MCC: variants seen among roughly 807,000 people sequenced by gnomAD.
The protein encoded by MCC is colorectal mutant cancer protein.
A neutral mutation model predicts 116.2 loss-of-function variants in MCC; 90 were observed. The ratio of observed to expected loss-of-function variants is 0.77; its 90% confidence interval spans 0.65 to 0.92. The LOEUF is 0.92. Among genes scored for constraint, MCC ranks in the 40% least tolerant of loss-of-function variants. MCC has a pLI of 0.00. For synonymous variants in MCC, 578 were observed against 510.5 expected (o/e 1.13, Z -1.78); for missense variants, 1,516 against 1,312.2 (o/e 1.16, Z -2.40).
rs1375305391 is a variant in MCC at position 113,170,329 on chromosome 5, T to C, written c.628-18907A>G. On this transcript the variant is annotated intron_variant, in intron 3 of 18. Transcript: ENST00000408903. ...ACTTTACTTCTAATCCATGGCAGAA[T>C]CATCCTCTCCTTGTAGAATTGGGCA... is the stretch of plus-strand genomic sequence containing the variant. Among the ~76,000 whole-genome samples the C allele has an allele frequency of 4.6e-5, 7 of 152,320 alleles. No individual in the cohort carries two copies. The South Asian group carries it at 8.3e-4, about 18-fold the overall frequency.
chr5:113,035,825 C>T (rs992486896), intron 17 of MCC, among the ~76,000 whole-genome samples: 1 of 152,122 alleles, frequency 6.6e-6, no homozygotes, highest in East Asian at 1.9e-4. Flanking sequence ...AAAAAAATCT[C>T]CACAGTGACT....
chr5:113,159,685 T>G (rs1190096010), intron 3 of MCC, among the ~76,000 whole-genome samples: 1 of 152,134 alleles, frequency 6.6e-6, no homozygotes, highest in Non-Finnish European at 1.5e-5. Flanking sequence ...GTGTTCTAAT[T>G]CAGATACATA....
chr5:113,305,019 A>C (rs570851650), intron 3 of MCC, among the ~76,000 whole-genome samples: 7 of 152,188 alleles, frequency 4.6e-5, no homozygotes, highest in Non-Finnish European at 4.4e-5. Flanking sequence ...CAAAAAAAAA[A>C]ATGAGTATGA....
In MCC at chr5:113,023,185, GA is replaced by G. The variant is rs564658745; in HGVS notation, c.*4116del. On this transcript the variant is annotated 3_prime_UTR_variant, in exon 19 of 19. Coordinates refer to ENST00000408903, the MANE Select transcript of MCC (RefSeq NM_001085377.2). Reference sequence around the variant, plus strand: ...GGTGTGTTAAACAGGAGATGCTTCTGAAGGCCACAAGTTTGGAGCTTACTTT... The same window carrying G: ...GGTGTGTTAAACAGGAGATGCTTCTGAGGCCACAAGTTTGGAGCTTACTTT... 6.6e-6 allele frequency: 1 copy of G among 152,352 alleles called. No homozygotes were observed. The highest frequency in any genetic ancestry group is 2.4e-5 in the African/African-American group (1 of 41,580). The allele number at this position is 152,352 out of a possible 1,614,324, so 9.4% of individuals were successfully genotyped here. A position where few individuals can be genotyped will look rare whatever the true frequency, so the allele number is the denominator to read the frequency against.
intron 1 of MCC, among the ~76,000 whole-genome samples, chr5:113,462,077 TGAG>T (rs1438084917): frequency 2.0e-5 from 3 of 152,198 alleles, no homozygotes; most frequent in Admixed American, 6.5e-5. Context: ...AATTAGAAAC[TGAG>T]GAGAAAAGAA....
In MCC at chr5:113,479,947, C is replaced by T. The variant is rs572476128; in HGVS notation, c.170+8298G>A. On this transcript the variant is annotated intron_variant, in intron 1 of 18. Transcript: ENST00000408903. The stretch of plus-strand genomic sequence containing the variant: ...GTTTCCAAGAAGAATAAATATATTG[C>T]AGGTTTTATGCTTATGTCATGAGAA... 2.0e-5 allele frequency among the ~76,000 whole-genome samples: 3 copies of T among 152,210 alleles called. No individual in the cohort carries two copies. In the East Asian group the frequency reaches 5.8e-4, roughly 29 times the overall value.
intron 2 of MCC, among the ~76,000 whole-genome samples, chr5:113,351,797 T>C (rs1002612620): frequency 5.3e-5 from 8 of 152,162 alleles, no homozygotes; most frequent in African/African-American, 1.9e-4. Context: ...TCAAAGTATC[T>C]CATGTACCCC....
intron 1 of MCC, among the ~76,000 whole-genome samples, chr5:113,402,420 G>C (rs959337742): frequency 5.6e-4 from 85 of 152,050 alleles, no homozygotes; most frequent in African/African-American, 1.9e-3. Flanking sequence ...TCCCAAAGAG[G>C]TGGGAATACA....
intron 2 of MCC, among the ~76,000 whole-genome samples, chr5:113,379,096 C>T (rs1244918184): frequency 6.6e-6 from 1 of 152,214 alleles, no homozygotes; most frequent in Non-Finnish European, 1.5e-5. Context: ...TCAGACCCTG[C>T]CTCAAGTCCC....
intron 2 of MCC, among the ~76,000 whole-genome samples, chr5:113,351,678 A>C (rs1768271649): frequency 6.6e-6 from 1 of 152,200 alleles, no homozygotes; most frequent in Non-Finnish European, 1.5e-5. Context: ...GTGCATTTAA[A>C]AATGATGAAG....
At chr5:113,367,246 GT>G (rs986363137) in intron 2 of MCC, among the ~76,000 whole-genome samples, 11 of 151,672 alleles carry the variant, frequency 7.3e-5, no homozygotes, top group African/African-American at 2.7e-4. Context: ...GATAAGCCGA[GT>G]TTTTTTTCTT....
At chr5:113,377,989 T>C (rs1434871133) in intron 2 of MCC, among the ~76,000 whole-genome samples, 9 of 152,232 alleles carry the variant, frequency 5.9e-5, no homozygotes, top group African/African-American at 2.2e-4. Context: ...AGTCTGGTTT[T>C]ATGCTCACTG....
chr5:113,128,742 A>C (rs988848269), intron 5 of MCC, among the ~76,000 whole-genome samples: 1 of 152,246 alleles, frequency 6.6e-6, no homozygotes, highest in Admixed American at 6.5e-5. Flanking sequence ...AAACAGGGAG[A>C]GAGAAACACT....
intron 1 of MCC, among the ~76,000 whole-genome samples, chr5:113,445,173 G>C (rs1266742926): frequency 6.6e-6 from 1 of 152,064 alleles, no homozygotes; most frequent in Non-Finnish European, 1.5e-5. Context: ...GTTCTGAATT[G>C]GGTTTAGGGC....
chr5:113,170,197 T>C (rs79407990), intron 3 of MCC, among the ~76,000 whole-genome samples: 5,805 of 152,266 alleles, frequency 0.038, 164 homozygotes, highest in African/African-American at 0.065. Context: ...CTAAATTTCT[T>C]TTTTCTTCTT....
intron 8 of MCC, among the ~76,000 whole-genome samples, chr5:113,089,372 T>A (rs559921116): frequency 5.3e-5 from 8 of 152,294 alleles, no homozygotes; most frequent in African/African-American, 1.7e-4. Context: ...CATTAAAAGG[T>A]TGCAGTTGTT....
intron 3 of MCC, among the ~76,000 whole-genome samples, chr5:113,251,619 C>G (rs1764808385): frequency 6.6e-6 from 1 of 152,184 alleles, no homozygotes; most frequent in African/African-American, 2.4e-5. Flanking sequence ...CCCATTACCA[C>G]AGTGAGGAAG....
At chr5:113,253,766 G>C (rs1581322399) in intron 3 of MCC, among the ~76,000 whole-genome samples, 1 of 152,056 alleles carries the variant, frequency 6.6e-6, no homozygotes, top group Non-Finnish European at 1.5e-5. Context: ...GAGAATTTTA[G>C]GGGGAAAAAC....
At chr5:113,182,797 A>G (rs930740531) in intron 3 of MCC, among the ~76,000 whole-genome samples, 1 of 152,208 alleles carries the variant, frequency 6.6e-6, no homozygotes, top group African/African-American at 2.4e-5. Flanking sequence ...AGGGGCACTC[A>G]ATGCATGCGC....
Sources: gnomAD v4.1 joint callset for allele counts (sites outside exome capture counted in the v4.1 genomes callset) on GRCh38, gnomAD v4.1.1 for gene constraint, MANE v1.5 for transcripts, NCBI Gene and HGNC (gene_info 2026-07-23, HGNC 2026-07-21) for gene names.